MGA: variants seen among roughly 807,000 people sequenced by gnomAD.
The protein encoded by MGA is MAX gene-associated protein.
Under a neutral mutation model 261.1 loss-of-function variants are expected in MGA, and 40 were observed. The ratio of observed to expected loss-of-function variants is 0.15; its 90% confidence interval spans 0.12 to 0.20. The LOEUF is 0.20. Among genes scored for constraint, MGA ranks in the 10% least tolerant of loss-of-function variants. The pLI is 1.00. For missense variants in MGA, 3,397 were observed against 3,630.5 expected (o/e 0.94, Z 1.65); for synonymous variants, 1,302 against 1,290.6 (o/e 1.01, Z -0.19).
At chr15:41,687,794 A>G (rs541153526) in intron 2 of MGA, among the ~76,000 whole-genome samples, 17 of 152,226 alleles carry the variant, frequency 1.1e-4, no homozygotes, top group Non-Finnish European at 2.2e-4. Context: ...TGTATTGTAC[A>G]GTTGTTGGAT....
At chr15:41,627,252 A>G (rs1333263953) in intron 1 of MGA, among the ~76,000 whole-genome samples, 2 of 152,202 alleles carry the variant, frequency 1.3e-5, no homozygotes, top group Admixed American at 6.6e-5. Context: ...ACGAAAGTCC[A>G]TAGTTTATTC....
At chr15:41,706,503 C>T (rs1050032360) in intron 5 of MGA, among the ~76,000 whole-genome samples, 7 of 150,632 alleles carry the variant, frequency 4.6e-5, no homozygotes, top group African/African-American at 1.2e-4. Flanking sequence ...ACCAGCACTA[C>T]GTGAGCTTTT....
At chr15:41,712,117 T>A (rs1291251156) in intron 8 of MGA, among the ~76,000 whole-genome samples, 1 of 152,204 alleles carries the variant, frequency 6.6e-6, no homozygotes, top group Non-Finnish European at 1.5e-5. Flanking sequence ...TATTTTTATT[T>A]TTATATTTTA....
chr15:41,651,502 A>G (rs1483238784), intron 1 of MGA, among the ~76,000 whole-genome samples: 2 of 148,942 alleles, frequency 1.3e-5, no homozygotes, highest in Admixed American at 1.3e-4. Flanking sequence ...TTCGTAAAGA[A>G]AAGTCCCCTT....
At chr15:41,719,984 G>A (rs994564497) in intron 9 of MGA, among the ~76,000 whole-genome samples, 7 of 151,970 alleles carry the variant, frequency 4.6e-5, no homozygotes, top group African/African-American at 9.7e-5. Context: ...AGTGAACCTC[G>A]GAAAAATGCT....
At chr15:41,737,735 C>CT (rs1201808850) in intron 13 of MGA, among the ~76,000 whole-genome samples, 1 of 151,950 alleles carries the variant, frequency 6.6e-6, no homozygotes, top group Non-Finnish European at 1.5e-5. Context: ...AATCCCAGCA[C>CT]TTTGGGAGGC....
rs767159838 is a variant in MGA at position 41,762,313 on chromosome 15, C to G, written c.7695C>G (p.Asn2565Lys). The change falls in exon 22 of 24, where the codon AAC becomes AAG. Residue 2565 changes from asparagine (N) to lysine (K), a missense_variant. Asn to Lys is a moderately conservative substitution (Grantham distance 94). Coordinates refer to ENST00000219905, the MANE Select transcript of MGA (RefSeq NM_001164273.2). ...ATCTTGGACAGATGTTTATAAATAA[C>G]AGGAGGGGGAAACCTTTGATTCTTT... is the stretch of plus-strand genomic sequence containing the variant. 21 of 1,613,662 alleles carry G rather than the reference C, an allele frequency of 1.3e-5. No individual in the cohort carries two copies. The African/African-American group carries it at 2.0e-4, about 15-fold the overall frequency.
chr15:41,748,851 C>G lies in MGA; in HGVS notation c.5427C>G (p.Val1809=). The G allele has an allele frequency of 6.2e-7, 1 of 1,613,970 alleles. No homozygotes were observed. The highest frequency in any genetic ancestry group is 8.5e-7 in the Non-Finnish European group (1 of 1,179,876). ...TCAGGCACCCTAATGGGCAGATTGT[C>G]CAGCTTCTACCTTTGCATCAGCTTC... is the stretch of plus-strand genomic sequence containing the variant. The change falls in exon 16 of 24, where the codon GTC becomes GTG. Residue 1809 remains valine (V), a synonymous_variant. Coordinates refer to ENST00000219905, the MANE Select transcript of MGA (RefSeq NM_001164273.2).
intron 2 of MGA, among the ~76,000 whole-genome samples, chr15:41,675,569 G>A (rs941825295): frequency 4.6e-5 from 7 of 152,016 alleles, no homozygotes; most frequent in Non-Finnish European, 1.0e-4. Flanking sequence ...GTAGAAATGG[G>A]ATCTTGCTAT....
In MGA at chr15:41,742,863, A is replaced by G. The variant is rs1245262572; in HGVS notation, c.4903A>G (p.Thr1635Ala). The change falls in exon 15 of 24, where the codon ACA becomes GCA. Residue 1635 changes from threonine (T) to alanine (A), a missense_variant. Physicochemically the swap from Thr to Ala is moderately conservative, Grantham distance 58. Transcript: ENST00000219905. ...TACTTATTCTTCTGGTGCCACCACT[A>G]CAGGGGTTGTTGAGGTCTCTGAAAC... 3 of 1,613,876 alleles carry G rather than the reference A, an allele frequency of 1.9e-6. No homozygotes were observed. Among genetic ancestry groups the G allele is most frequent in the Non-Finnish European group, 2.5e-6 (3 of 1,179,892 alleles).
chr15:41,764,091 G>A (rs1019041964), intron 22 of MGA, among the ~76,000 whole-genome samples: 4 of 151,838 alleles, frequency 2.6e-5, no homozygotes, highest in East Asian at 1.9e-4. Flanking sequence ...CCCGGGTGGC[G>A]GAGGCTGCAG....
chr15:41,743,930 G>A (rs2151868011), intron 15 of MGA, among the ~76,000 whole-genome samples: 1 of 152,250 alleles, frequency 6.6e-6, no homozygotes, highest in Non-Finnish European at 1.5e-5. Context: ...ATATCCAGAT[G>A]CAACTAGCTA....
chr15:41,683,505 T>G (rs1239863392), intron 2 of MGA, among the ~76,000 whole-genome samples: 1 of 152,034 alleles, frequency 6.6e-6, no homozygotes, highest in African/African-American at 2.4e-5. Context: ...AGCTCTTTTA[T>G]TTTCTTCTGT....
intron 1 of MGA, among the ~76,000 whole-genome samples, chr15:41,664,498 A>G (rs2150879372): frequency 6.6e-6 from 1 of 152,326 alleles, no homozygotes; most frequent in East Asian, 1.9e-4. Flanking sequence ...GATGTTTAAT[A>G]AATTCGGCAC....
chr15:41,649,957 A>T (rs1444276152), intron 1 of MGA, among the ~76,000 whole-genome samples: 1 of 152,200 alleles, frequency 6.6e-6, no homozygotes, highest in Non-Finnish European at 1.5e-5. Context: ...CTGGGATTAC[A>T]GGCGTGAGCC....
chr15:41,684,446 A>G, intron 2 of MGA: 1 of 429,450 alleles, frequency 2.3e-6, no homozygotes, highest in Non-Finnish European at 4.6e-6. Context: ...GAAGAATGAA[A>G]CTTAACTGTT....
chr15:41,637,031 T>C (rs2056724223), intron 1 of MGA, among the ~76,000 whole-genome samples: 1 of 151,956 alleles, frequency 6.6e-6, no homozygotes, highest in African/African-American at 2.4e-5. Context: ...CATATCTTGC[T>C]CTGGGGGCGG....
At chr15:41,752,549 GT>G (rs35282917) in intron 17 of MGA, among the ~76,000 whole-genome samples, 16,856 of 102,004 alleles carry the variant, frequency 0.17, 1,443 homozygotes, top group East Asian at 0.59. Flanking sequence ...AACCTTTAAA[GT>G]TTTTTTTTTT....
intron 23 of MGA, 85 bp from the exon 24 acceptor site, chr15:41,765,919 A>ATGGT: frequency 4.5e-6 from 5 of 1,114,634 alleles, no homozygotes; most frequent in Non-Finnish European, 6.4e-6. Context: ...AATCCCTAAG[A>ATGGT]TGGTTATATG....
Sources: allele counts gnomAD v4.1 joint callset (sites outside exome capture counted in the v4.1 genomes callset), GRCh38; gene constraint gnomAD v4.1.1; transcripts MANE v1.5; gene names NCBI Gene and HGNC (gene_info 2026-07-23, HGNC 2026-07-21).